Variants in MTG2 observed in about 807,000 individuals in gnomAD.
The protein encoded by MTG2 is mitochondrial ribosome-associated GTPase 2.
MTG2 carries 23 observed loss-of-function variants against 28.6 expected under a neutral mutation model. That is an observed-to-expected ratio of 0.80 (90% CI 0.58 to 1.14). The LOEUF (loss-of-function observed/expected upper bound fraction) is 1.14. Ranked by LOEUF, MTG2 falls within the 50% of genes most tolerant of loss-of-function variation. The pLI, the probability that MTG2 is intolerant of heterozygous loss-of-function variation, is 0.00. For missense variants in MTG2, 539 were observed against 552.0 expected (o/e 0.98, Z 0.24); for synonymous variants, 260 against 251.8 (o/e 1.03, Z -0.31).
In MTG2 at chr20:62,198,239, C is replaced by T. The variant is rs141032136; in HGVS notation, c.468+272C>T. 1.1e-3 allele frequency: 565 copies of T among 523,028 alleles called. 4 individuals are homozygous for T. Among genetic ancestry groups the T allele is most frequent in the African/African-American group, 9.5e-3 (498 of 52,594 alleles). The allele number at this position is 523,028 out of a possible 1,614,324, so 32.4% of individuals were successfully genotyped here. On this transcript the variant is annotated intron_variant, in intron 4 of 6. Coordinates refer to ENST00000370823, the MANE Select transcript of MTG2 (RefSeq NM_015666.4). ...TTTTAAAAAGAGGGAGCCCACGGCA[C>T]GGACGCTTCCTCCGTCTCTGACCCC...
At chr20:62,197,008 G>A (rs938046674) in intron 3 of MTG2, among the ~76,000 whole-genome samples, 4 of 151,772 alleles carry the variant, frequency 2.6e-5, no homozygotes, top group Non-Finnish European at 5.9e-5. Context: ...CTCTAGCCTC[G>A]GCAACAAGAG....
At chr20:62,197,072 G>A (rs1372822712) in intron 3 of MTG2, 1 of 150,530 alleles carries the variant, frequency 6.6e-6, no homozygotes, top group Non-Finnish European at 1.5e-5. Flanking sequence ...AAAATTATAT[G>A]GATATTCATA....
intron 1 of MTG2, among the ~76,000 whole-genome samples, chr20:62,187,413 T>G (rs1182366705): frequency 6.6e-6 from 1 of 152,246 alleles, no homozygotes; most frequent in East Asian, 1.9e-4. Flanking sequence ...AGATTGGCAC[T>G]GTTTCTTCCT....
In MTG2 at chr20:62,201,406, CGTGGACTCTCG is replaced by C; in HGVS notation, c.*331_*341del. On this transcript the variant is annotated 3_prime_UTR_variant, in exon 7 of 7. Coordinates refer to ENST00000370823, the MANE Select transcript of MTG2 (RefSeq NM_015666.4). ...CTGACTCAGGTCTCCGCCATGCACG[CGTGGACTCTCG>C]GATGAGCTCAGCAGAACCGCACAGC... 1 of 329,944 alleles carries C rather than the reference CGTGGACTCTCG, an allele frequency of 3.0e-6. No homozygotes were observed. The highest frequency in any genetic ancestry group is 3.9e-5 in the South Asian group (1 of 25,496). 20.4% of individuals were successfully genotyped at this position (329,944 alleles called of 1,614,324 possible).
chr20:62,195,674 T>G, intron 2 of MTG2, 128 bp from the exon 3 acceptor site: 1 of 1,095,052 alleles, frequency 9.1e-7, no homozygotes, highest in Non-Finnish European at 1.3e-6. Context: ...ATTAGCAATA[T>G]TAGTGTCATT....
At chr20:62,192,964 C>T (rs2057989687) in intron 1 of MTG2, among the ~76,000 whole-genome samples, 1 of 152,228 alleles carries the variant, frequency 6.6e-6, no homozygotes, top group Non-Finnish European at 1.5e-5. Context: ...AGCCTGGGTG[C>T]TTAGCCGCTA....
chr20:62,198,990 G>C (rs1359307895), intron 5 of MTG2, 129 bp from the exon 6 acceptor site: 21 of 1,533,286 alleles, frequency 1.4e-5, no homozygotes, highest in Non-Finnish European at 1.9e-5. Context: ...CTGCTGACTT[G>C]GTCGTGAGCA....
chr20:62,184,194 T>C (rs1437927016), intron 1 of MTG2, among the ~76,000 whole-genome samples: 2 of 152,072 alleles, frequency 1.3e-5, no homozygotes, highest in Non-Finnish European at 2.9e-5. Flanking sequence ...CCATCTCTAC[T>C]AAAAATACAA....
At position 62,201,298 on chromosome 20, in the gene MTG2, C is replaced by T. The variant is rs73611722; in HGVS notation, c.*221C>T. On this transcript the variant is annotated 3_prime_UTR_variant, in exon 7 of 7. Transcript: ENST00000370823. Reference sequence around the variant, plus strand: ...ATTTCCTGCACCTGTCAGCCTGCACCGACTGATGAGCCAGTTGCTCATTTG... The same window carrying T: ...ATTTCCTGCACCTGTCAGCCTGCACTGACTGATGAGCCAGTTGCTCATTTG... 0.13 allele frequency: 77,952 copies of T among 593,408 alleles called. 8,960 individuals are homozygous for T. Among genetic ancestry groups the T allele is most frequent in the East Asian group, 0.54 (18,520 of 34,574 alleles). 36.8% of individuals were successfully genotyped at this position (593,408 alleles called of 1,614,324 possible).
In MTG2 at chr20:62,193,451, T is replaced by C. The variant is rs1263086313; in HGVS notation, c.31T>C (p.Leu11=). Residue 11 remains leucine (L), a synonymous_variant, in exon 2 of 7, where the codon TTG becomes CTG. Coordinates refer to ENST00000370823, the MANE Select transcript of MTG2 (RefSeq NM_015666.4). Reference sequence around the variant, plus strand: ...ACCTGCAAGGTGTTTCTCAGCAAGATTGAGGACCGTGTTTCAGGGCGTGGG... The same window carrying C: ...ACCTGCAAGGTGTTTCTCAGCAAGACTGAGGACCGTGTTTCAGGGCGTGGG... MAPARCFSAR[L]RTVFQGVGHW... is the part of the protein sequence containing the mutation. 8.7e-6 allele frequency: 14 copies of C among 1,614,108 alleles called. No homozygotes were observed. The East Asian group carries it at 2.7e-4, about 31-fold the overall frequency.
intron 2 of MTG2, among the ~76,000 whole-genome samples, chr20:62,195,404 C>T (rs1004045558): frequency 6.6e-6 from 1 of 152,102 alleles, no homozygotes; most frequent in African/African-American, 2.4e-5. Flanking sequence ...GAGTAAAGAT[C>T]TATGATTTCA....
chr20:62,192,107 T>C (rs949655251), intron 1 of MTG2, among the ~76,000 whole-genome samples: 1 of 152,244 alleles, frequency 6.6e-6, no homozygotes, highest in Non-Finnish European at 1.5e-5. Context: ...CAGTTCAGTC[T>C]GACCCTGCCG....
At chr20:62,192,435 T>C (rs2057978713) in intron 1 of MTG2, among the ~76,000 whole-genome samples, 1 of 152,196 alleles carries the variant, frequency 6.6e-6, no homozygotes, top group South Asian at 2.1e-4. Context: ...TGGCTGGCCT[T>C]ACAGCACGGG....
At position 62,186,584 on chromosome 20, in the gene MTG2, G is replaced by A. The variant is rs1461537258; in HGVS notation, c.-6+3527G>A. Among the ~76,000 whole-genome samples the A allele has an allele frequency of 4.1e-5, 6 of 145,462 alleles. No homozygotes were observed. The South Asian group carries it at 8.8e-4, about 21-fold the overall frequency. On this transcript the variant is annotated intron_variant, in intron 1 of 6. Transcript: ENST00000370823. ...TGCTCTGTCACCCAGGCTGGAGTGC[G>A]GTAACGTGATCTCGGCTCACGGCAG...
intron 1 of MTG2, among the ~76,000 whole-genome samples, chr20:62,187,032 C>T (rs1163893406): frequency 1.3e-5 from 2 of 152,178 alleles, no homozygotes; most frequent in African/African-American, 4.8e-5. Context: ...GCCGGCCCTA[C>T]GTAGTGCCCT....
intron 6 of MTG2, among the ~76,000 whole-genome samples, chr20:62,199,537 T>C (rs1333790957): frequency 6.6e-6 from 1 of 150,698 alleles, no homozygotes; most frequent in Non-Finnish European, 1.5e-5. Flanking sequence ...TCCCAGCTAC[T>C]TGGGAGGCTG....
intron 2 of MTG2, among the ~76,000 whole-genome samples, chr20:62,194,611 T>C (rs1367390595): frequency 6.6e-6 from 1 of 152,162 alleles, no homozygotes; most frequent in Non-Finnish European, 1.5e-5. Context: ...TAAATTTTTG[T>C]GTTTAAAAAT....
Position 62,193,446 on chromosome 20 carries a change from C to T in MTG2, c.26C>T (p.Ala9Val). Residue 9 changes from alanine (A) to valine (V), a missense_variant, in exon 2 of 7, where the codon GCA becomes GTA. By Grantham distance (64) the Ala-to-Val change is moderately conservative (BLOSUM62 0). Coordinates refer to ENST00000370823, the MANE Select transcript of MTG2 (RefSeq NM_015666.4). MAPARCFSARLRTVFQGVG... is the reference protein window; with the variant it reads MAPARCFSVRLRTVFQGVG... Reference sequence around the variant, plus strand: ...ATGGCACCTGCAAGGTGTTTCTCAGCAAGATTGAGGACCGTGTTTCAGGGC... The same window carrying T: ...ATGGCACCTGCAAGGTGTTTCTCAGTAAGATTGAGGACCGTGTTTCAGGGC... 6.2e-7 allele frequency: 1 copy of T among 1,614,178 alleles called. No homozygotes were observed. Among genetic ancestry groups the T allele is most frequent in the Non-Finnish European group, 8.5e-7 (1 of 1,180,038 alleles).
intron 3 of MTG2, among the ~76,000 whole-genome samples, chr20:62,196,729 T>C (rs1477712220): frequency 5.3e-5 from 8 of 150,942 alleles, no homozygotes; most frequent in African/African-American, 1.9e-4. Context: ...ATCATTTTTA[T>C]AAATTATATG....
Sources: gnomAD v4.1 joint callset for allele counts (sites outside exome capture counted in the v4.1 genomes callset) on GRCh38, gnomAD v4.1.1 for gene constraint, MANE v1.5 for transcripts, NCBI Gene and HGNC (gene_info 2026-07-23, HGNC 2026-07-21) for gene names.